The following PSD3 variants were observed in gnomAD, a reference collection of about 807,000 sequenced individuals.
The protein encoded by PSD3 is pleckstrin and Sec7 domain containing 3.
PSD3 carries 49 observed loss-of-function variants against 105.5 expected under a neutral mutation model. The observed-to-expected ratio is 0.46, with a 90% confidence interval of 0.37 to 0.59. The LOEUF (loss-of-function observed/expected upper bound fraction) is 0.59, where lower values mean the gene tolerates loss of function less well. PSD3 is among the 20% of genes least tolerant of loss of function. The pLI is 0.00. For missense variants in PSD3, 1,561 were observed against 1,263.8 expected (o/e 1.24, Z -3.57); for synonymous variants, 557 against 457.8 (o/e 1.22, Z -2.77).
At chr8:18,622,155 GAA>G (rs1489302430) in intron 11 of PSD3, among the ~76,000 whole-genome samples, 17 of 152,264 alleles carry the variant, frequency 1.1e-4, no homozygotes, top group African/African-American at 3.4e-4. Flanking sequence ...AAAAAGCGAT[GAA>G]TATTTTAATA....
At position 18,530,371 on chromosome 8, in the gene PSD3, C is replaced by G. The variant is rs1349210553; in HGVS notation, c.*5372G>C. 6.6e-6 allele frequency: 1 copy of G among 152,376 alleles called. No homozygotes were observed. Among genetic ancestry groups the G allele is most frequent in the African/African-American group, 2.4e-5 (1 of 41,444 alleles). 9.4% of individuals were successfully genotyped at this position (152,376 alleles called of 1,614,324 possible). A position where few individuals can be genotyped will look rare whatever the true frequency, so the allele number is the denominator to read the frequency against. Reference sequence around the variant, plus strand: ...CTGTGACACTAGATGCTAATTTCTGCAACTGCAAACCTAGGATACAGTACC... The same window carrying G: ...CTGTGACACTAGATGCTAATTTCTGGAACTGCAAACCTAGGATACAGTACC... On this transcript the variant is annotated 3_prime_UTR_variant, in exon 16 of 16. Transcript: ENST00000327040.
At position 18,655,650 on chromosome 8, in the gene PSD3, T is replaced by C. The variant is rs767998129; in HGVS notation, c.2208A>G (p.Glu736=). 8 of 1,613,854 alleles carry C rather than the reference T, an allele frequency of 5.0e-6. No homozygotes were observed. In the East Asian group the frequency reaches 1.6e-4, roughly 31 times the overall value. ...LYNSIKNEKL[E]WAVDDEEKKK... is the part of the protein sequence containing the mutation. Reference sequence around the variant, plus strand: ...ACGTCCAGCACACTTACACTGCCCATTCAAGCTTCTCATTCTTGATTGAGT... The same window carrying C: ...ACGTCCAGCACACTTACACTGCCCACTCAAGCTTCTCATTCTTGATTGAGT... Residue 736 remains glutamate, a synonymous_variant, in exon 10 of 16, where the codon GAA becomes GAG. Transcript: ENST00000327040.
intron 1 of PSD3, among the ~76,000 whole-genome samples, chr8:19,067,187 G>A (rs538141811): frequency 4.6e-5 from 7 of 152,290 alleles, no homozygotes; most frequent in African/African-American, 7.2e-5. Flanking sequence ...CTGTGCCTTC[G>A]TTTGTGAGAC....
chr8:18,806,468 A>G (rs1385350096), intron 4 of PSD3, among the ~76,000 whole-genome samples: 1 of 152,220 alleles, frequency 6.6e-6, no homozygotes, highest in Non-Finnish European at 1.5e-5. Flanking sequence ...AGGATACATT[A>G]ATTTCCAAAT....
chr8:18,618,245 G>A (rs1198554849), intron 11 of PSD3, among the ~76,000 whole-genome samples: 1 of 141,040 alleles, frequency 7.1e-6, no homozygotes, highest in Non-Finnish European at 1.6e-5. Flanking sequence ...CTGCCCTTCT[G>A]GGCTAAATCA....
At chr8:19,078,481 C>A (rs1028050165) in intron 1 of PSD3, among the ~76,000 whole-genome samples, 1 of 152,028 alleles carries the variant, frequency 6.6e-6, no homozygotes, top group African/African-American at 2.4e-5. Context: ...AATCACTTTC[C>A]ACTCTCAGCT....
chr8:19,021,868 T>A (rs1827374793), intron 1 of PSD3, among the ~76,000 whole-genome samples: 1 of 152,226 alleles, frequency 6.6e-6, no homozygotes, highest in Non-Finnish European at 1.5e-5. Context: ...AGAGTGCAGT[T>A]GTGAAAGGGA....
chr8:18,653,210 GA>G (rs1180877680), intron 10 of PSD3, among the ~76,000 whole-genome samples: 1 of 152,014 alleles, frequency 6.6e-6, no homozygotes, highest in Non-Finnish European at 1.5e-5. Flanking sequence ...ATTAGAACTA[GA>G]AAAAATACTT....
intron 1 of PSD3, among the ~76,000 whole-genome samples, chr8:18,938,956 G>A (rs979265140): frequency 1.3e-5 from 2 of 152,208 alleles, no homozygotes; most frequent in Admixed American, 6.5e-5. Flanking sequence ...GGGGAGACTA[G>A]AGAAGAAACA....
In PSD3 at chr8:18,982,610, G is replaced by A. The variant is rs147092121; in HGVS notation, c.21+30953C>T. ...TGCAGAATGAATGCTGAGTTAACAG[G>A]CATGAAAACAACATACATCTCCTTG... On this transcript the variant is annotated intron_variant, in intron 1 of 15. Transcript: ENST00000327040. Among the ~76,000 whole-genome samples, 90 of 152,304 alleles carry A rather than the reference G, an allele frequency of 5.9e-4. No individual in the cohort carries two copies. The East Asian group carries it at 0.01, about 17-fold the overall frequency.
intron 14 of PSD3, among the ~76,000 whole-genome samples, chr8:18,570,434 A>G (rs1802056157): frequency 7.6e-6 from 1 of 131,324 alleles, no homozygotes; most frequent in East Asian, 2.3e-4. Context: ...CTAAAACACC[A>G]AAAGCAATGG....
At chr8:18,983,990 G>C (rs964082564) in intron 1 of PSD3, among the ~76,000 whole-genome samples, 1 of 143,742 alleles carries the variant, frequency 7.0e-6, no homozygotes, top group Non-Finnish European at 1.5e-5. Context: ...GGGCAACAAA[G>C]TGAGACACTA....
intron 2 of PSD3, among the ~76,000 whole-genome samples, chr8:18,902,004 A>G (rs1819533491): frequency 6.6e-6 from 1 of 152,184 alleles, no homozygotes; most frequent in Non-Finnish European, 1.5e-5. Flanking sequence ...AATGTGCCTC[A>G]GGCAAAAAAG....
At chr8:18,663,101 T>C (rs1446767820) in intron 9 of PSD3, among the ~76,000 whole-genome samples, 3 of 152,086 alleles carry the variant, frequency 2.0e-5, no homozygotes, top group Admixed American at 1.3e-4. Flanking sequence ...CCAAAGAATA[T>C]GGCCAGCATC....
At chr8:18,792,747 C>T (rs1809840302) in intron 8 of PSD3, among the ~76,000 whole-genome samples, 1 of 152,102 alleles carries the variant, frequency 6.6e-6, no homozygotes, top group Admixed American at 6.5e-5. Context: ...ACTAGTTCAA[C>T]CATTGTGGAA....
At position 18,647,653 on chromosome 8, in the gene PSD3, ATTT is replaced by A. The variant is rs202230990; in HGVS notation, c.2216+7986_2216+7988del. On this transcript the variant is annotated intron_variant, in intron 10 of 15. Transcript: ENST00000327040. ...CTTTATTAAAATGAGCCAATACATG[ATTT>A]TTTTTTTTTTTTAAACTAGGATAAG... 9.8e-4 allele frequency among the ~76,000 whole-genome samples: 122 copies of A among 124,502 alleles called. 1 individual carries two copies. Among genetic ancestry groups the A allele is most frequent in the African/African-American group, 3.4e-3 (114 of 33,630 alleles). 81.7% of individuals were successfully genotyped at this position (124,502 alleles called of 152,430 possible). A position where few individuals can be genotyped will look rare whatever the true frequency, so the allele number is the denominator to read the frequency against.
chr8:19,074,569 T>C (rs1034633030), intron 1 of PSD3, among the ~76,000 whole-genome samples: 2 of 144,250 alleles, frequency 1.4e-5, no homozygotes, highest in Admixed American at 6.9e-5. Context: ...ATAAAAGGTA[T>C]AATTTTACAA....
intron 1 of PSD3, among the ~76,000 whole-genome samples, chr8:19,037,352 G>A (rs1292000632): frequency 1.3e-5 from 2 of 152,232 alleles, no homozygotes; most frequent in Non-Finnish European, 2.9e-5. Flanking sequence ...TGGCCTTTCA[G>A]ACACCCTCCA....
At chr8:19,003,989 G>C (rs1197209288) in intron 1 of PSD3, among the ~76,000 whole-genome samples, 1 of 152,020 alleles carries the variant, frequency 6.6e-6, no homozygotes, top group Non-Finnish European at 1.5e-5. Flanking sequence ...GGGTGATTAG[G>C]AAGACTGCTC....
Sources: allele counts gnomAD v4.1 joint callset (sites outside exome capture counted in the v4.1 genomes callset), GRCh38; gene constraint gnomAD v4.1.1; transcripts MANE v1.5; gene names NCBI Gene and HGNC (gene_info 2026-07-23, HGNC 2026-07-21).